Variants in CEP128 observed in about 807,000 individuals in gnomAD.
CEP128 encodes the protein centrosomal protein 128kDa.
CEP128 carries 132 observed loss-of-function variants against 156.7 expected under a neutral mutation model. That is an observed-to-expected ratio of 0.84 (90% CI 0.73 to 0.97). The LOEUF is 0.97. CEP128 is among the 50% of genes least tolerant of loss of function. The pLI, the probability that CEP128 is intolerant of heterozygous loss-of-function variation, is 0.00. For missense variants in CEP128, 1,252 were observed against 1,281.9 expected (o/e 0.98, Z 0.36); for synonymous variants, 469 against 448.9 (o/e 1.04, Z -0.57).
At chr14:80,916,282 T>A (rs1160244962) in intron 3 of CEP128, 119 bp downstream of exon 3, 1 of 810,424 alleles carries the variant, frequency 1.2e-6, no homozygotes, top group Non-Finnish European at 2.0e-6. Flanking sequence ...TTGTGTTGTT[T>A]TAAGACATTA....
At chr14:80,836,041 G>T (rs1310823040) in intron 12 of CEP128, among the ~76,000 whole-genome samples, 164 bp downstream of exon 12, 1 of 152,170 alleles carries the variant, frequency 6.6e-6, no homozygotes, top group Non-Finnish European at 1.5e-5. Context: ...ATGGGATGAT[G>T]CTGAATTATT....
chr14:80,682,445 A>G (rs1189744699), intron 19 of CEP128, among the ~76,000 whole-genome samples: 1 of 152,240 alleles, frequency 6.6e-6, no homozygotes, highest in Non-Finnish European at 1.5e-5. Context: ...ATATGGAATT[A>G]TGTAAAGTGA....
intron 22 of CEP128, 57 bp downstream of exon 22, chr14:80,530,752 T>G: frequency 8.1e-7 from 1 of 1,233,510 alleles, no homozygotes; most frequent in Non-Finnish European, 1.2e-6. Flanking sequence ...ATCAGGAAGA[T>G]GTCAAGTGTT....
intron 23 of CEP128, among the ~76,000 whole-genome samples, chr14:80,516,764 T>C (rs1888509102): frequency 6.6e-6 from 1 of 152,086 alleles, no homozygotes; most frequent in African/African-American, 2.4e-5. Context: ...CTGTTCTCTC[T>C]CTCCCCAAAA....
downstream of CEP128, among the ~76,000 whole-genome samples, chr14:80,491,860 T>C (rs1010265936): frequency 3.3e-5 from 5 of 152,194 alleles, no homozygotes; most frequent in African/African-American, 1.2e-4. Context: ...TACCACAGTT[T>C]TTTCCTTCCA....
intron 8 of CEP128, among the ~76,000 whole-genome samples, chr14:80,879,071 G>A (rs1888411931): frequency 6.6e-6 from 1 of 152,152 alleles, no homozygotes; most frequent in South Asian, 2.1e-4. Flanking sequence ...AGGCTCTGCA[G>A]GTATCACTAA....
In CEP128 at chr14:80,580,430, TAAG is replaced by T. The variant is rs1891540774; in HGVS notation, c.2807-10_2807-8del. On this transcript the variant is annotated splice_region_variant and splice_polypyrimidine_tract_variant and intron_variant, in intron 19 of 24. Coordinates refer to ENST00000555265, the MANE Select transcript of CEP128 (RefSeq NM_152446.5). ...TGGGTCTCTTCCAGTAGATCTGTAA[TAAG>T]AAAGTAAAATACCCATCAAAATACA... 6.3e-7 allele frequency: 1 copy of T among 1,574,934 alleles called. No homozygotes were observed. The highest frequency in any genetic ancestry group is 1.3e-5 in the African/African-American group (1 of 74,276).
intron 23 of CEP128, chr14:80,514,638 T>C: frequency 2.6e-6 from 1 of 388,156 alleles, no homozygotes; most frequent in Non-Finnish European, 5.2e-6. Context: ...TGTGTTATCT[T>C]GAATTTTGTG....
intron 19 of CEP128, among the ~76,000 whole-genome samples, chr14:80,652,142 G>A (rs11624645): frequency 0.1 from 15,432 of 151,248 alleles, 1,068 homozygotes; most frequent in Non-Finnish European, 0.14. Flanking sequence ...CTAGCCATAC[G>A]CAGAAAACTG....
At chr14:80,722,284 G>C (rs1056264029) in intron 19 of CEP128, among the ~76,000 whole-genome samples, 9 of 152,064 alleles carry the variant, frequency 5.9e-5, no homozygotes, top group Admixed American at 2.6e-4. Context: ...CTATGAACAG[G>C]ATCACCACTG....
At chr14:80,656,301 A>ATATATTTT (rs1895153775) in intron 19 of CEP128, among the ~76,000 whole-genome samples, 1 of 14,322 alleles carries the variant, frequency 7.0e-5, no homozygotes, top group African/African-American at 3.3e-4. Flanking sequence ...TTATATATAT[A>ATATATTTT]TATATATATA....
intron 19 of CEP128, among the ~76,000 whole-genome samples, chr14:80,592,085 A>T (rs1892098347): frequency 6.6e-6 from 1 of 152,198 alleles, no homozygotes; most frequent in South Asian, 2.1e-4. Flanking sequence ...CTAAGATCAC[A>T]ATTAAAAGAA....
chr14:80,616,314 T>A (rs1323721349), intron 19 of CEP128, among the ~76,000 whole-genome samples: 1 of 152,178 alleles, frequency 6.6e-6, no homozygotes, highest in African/African-American at 2.4e-5. Flanking sequence ...TCACTGTACC[T>A]CCAGTCACTG....
intron 16 of CEP128, among the ~76,000 whole-genome samples, chr14:80,777,374 C>A (rs534217093): frequency 6.6e-6 from 1 of 152,266 alleles, no homozygotes; most frequent in East Asian, 1.9e-4. Context: ...AACCAAAAGG[C>A]ATGCCCTCAC....
chr14:80,834,371 T>C (rs533070597), intron 12 of CEP128, among the ~76,000 whole-genome samples: 1 of 152,262 alleles, frequency 6.6e-6, no homozygotes, highest in South Asian at 2.1e-4. Flanking sequence ...ATTGACAGAA[T>C]TGCTAGCAAA....
upstream of CEP128, chr14:80,945,432 C>G (rs1395796559): frequency 6.6e-6 from 1 of 152,126 alleles, no homozygotes; most frequent in Non-Finnish European, 1.5e-5. Context: ...TTACGTAATA[C>G]CTTGATTGAG....
intron 19 of CEP128, among the ~76,000 whole-genome samples, chr14:80,581,397 C>T (rs1266073423): frequency 1.3e-5 from 2 of 152,068 alleles, no homozygotes; most frequent in East Asian, 3.9e-4. Context: ...AAATGTTTTA[C>T]CAAGTGCTAT....
At chr14:80,505,832 C>T (rs757174563) in intron 23 of CEP128, among the ~76,000 whole-genome samples, 8 of 152,066 alleles carry the variant, frequency 5.3e-5, no homozygotes, top group Non-Finnish European at 1.2e-4. Flanking sequence ...TGGTTTTTTT[C>T]CTTCTTTCAC....
chr14:80,816,308 A>C (rs1884854257), intron 13 of CEP128, among the ~76,000 whole-genome samples: 2 of 152,094 alleles, frequency 1.3e-5, no homozygotes, highest in Non-Finnish European at 2.9e-5. Flanking sequence ...AGATTCACCC[A>C]CAGAGCGGCA....
Sources: gnomAD v4.1 joint callset for allele counts (sites outside exome capture counted in the v4.1 genomes callset) on GRCh38, gnomAD v4.1.1 for gene constraint, MANE v1.5 for transcripts, NCBI Gene and HGNC (gene_info 2026-07-23, HGNC 2026-07-21) for gene names.